GRIA4: variants seen among roughly 807,000 people sequenced by gnomAD.
GRIA4 encodes glutamate receptor 4.
In GRIA4, 34 loss-of-function variants were observed where a neutral mutation model predicts 104.0. That is an observed-to-expected ratio of 0.33 (90% CI 0.25 to 0.44). The LOEUF (loss-of-function observed/expected upper bound fraction) is 0.44. Among genes scored for constraint, GRIA4 ranks in the 20% least tolerant of loss-of-function variants. The pLI, the probability that GRIA4 is intolerant of heterozygous loss-of-function variation, is 1.00. For missense variants in GRIA4, 750 were observed against 1,096.5 expected, an observed-to-expected ratio of 0.68 and a Z score of 4.46; for synonymous variants, 386 against 381.9, an observed-to-expected ratio of 1.01 and a Z score of -0.13.
chr11:105,910,872 C>A (rs978104786), intron 10 of GRIA4, among the ~76,000 whole-genome samples: 10 of 152,032 alleles, frequency 6.6e-5, no homozygotes, highest in African/African-American at 2.4e-4. Flanking sequence ...AGGTCAACCA[C>A]CAATCACATA....
intron 3 of GRIA4, among the ~76,000 whole-genome samples, chr11:105,702,523 G>C (rs1254375192): frequency 6.6e-6 from 1 of 151,608 alleles, no homozygotes; most frequent in Non-Finnish European, 1.5e-5. Context: ...AGATGGGAAA[G>C]GGCATGAAAA....
chr11:105,611,162 T>G lies in GRIA4; in HGVS notation c.88+77T>G, dbSNP rs1050514670. 4.0e-6 allele frequency: 4 copies of G among 1,012,304 alleles called. No individual in the cohort carries two copies. The East Asian group carries it at 7.2e-5, about 18-fold the overall frequency. The allele number at this position is 1,012,304 out of a possible 1,614,324, so 62.7% of individuals were successfully genotyped here. A position where few individuals can be genotyped will look rare whatever the true frequency, so the allele number is the denominator to read the frequency against. ...GAAAGTGAGTTAAATGAGTTGCTGA[T>G]AAGCAATTCAGGGAAACCTTCAGCA... On this transcript the variant is annotated intron_variant, in intron 2 of 16. Coordinates refer to ENST00000282499, the MANE Select transcript of GRIA4 (RefSeq NM_000829.4).
intron 3 of GRIA4, among the ~76,000 whole-genome samples, chr11:105,714,525 C>T (rs1954024982): frequency 6.6e-6 from 1 of 152,024 alleles, no homozygotes; most frequent in South Asian, 2.1e-4. Context: ...TAAATATTAT[C>T]ATGCTTAAGA....
chr11:105,846,959 C>A (rs1368530735), intron 4 of GRIA4, among the ~76,000 whole-genome samples: 1 of 152,196 alleles, frequency 6.6e-6, no homozygotes, highest in African/African-American at 2.4e-5. Context: ...ATCCAATAAC[C>A]CATTAGGGCA....
intron 11 of GRIA4, among the ~76,000 whole-genome samples, chr11:105,922,968 A>G (rs1005966265): frequency 1.3e-5 from 2 of 152,164 alleles, no homozygotes; most frequent in African/African-American, 4.8e-5. Context: ...ATGGGCTTTT[A>G]TGATTTGAAC....
chr11:105,932,689 A>G (rs534075716), intron 13 of GRIA4, among the ~76,000 whole-genome samples: 249 of 152,274 alleles, frequency 1.6e-3, no homozygotes, highest in Middle Eastern at 6.8e-3. Flanking sequence ...TCCCTAGAAC[A>G]CAAAATTGGA....
intron 14 of GRIA4, among the ~76,000 whole-genome samples, chr11:105,939,087 G>A (rs1948121662): frequency 6.6e-6 from 1 of 152,040 alleles, no homozygotes; most frequent in Non-Finnish European, 1.5e-5. Flanking sequence ...ATACATGTTT[G>A]TGATTCTTCC....
rs1859231931 is a variant in GRIA4 at position 105,981,037 on chromosome 11, C to A, written c.*1298C>A. On this transcript the variant is annotated 3_prime_UTR_variant, in exon 17 of 17. Transcript: ENST00000282499. ...CTTCTTCCCTTATTCCTATTGTTCC[C>A]TTTAAATCATATGAAGGCATTCATA... 1 of 152,528 alleles carries A rather than the reference C, an allele frequency of 6.6e-6. No individual in the cohort carries two copies. The highest frequency in any genetic ancestry group is 1.5e-5 in the Non-Finnish European group (1 of 68,008). 9.4% of individuals were successfully genotyped at this position (152,528 alleles called of 1,614,324 possible). A position where few individuals can be genotyped will look rare whatever the true frequency, so the allele number is the denominator to read the frequency against.
intron 5 of GRIA4, among the ~76,000 whole-genome samples, chr11:105,878,229 G>T (rs371786097): frequency 1.3e-5 from 2 of 152,176 alleles, no homozygotes; most frequent in African/African-American, 4.8e-5. Flanking sequence ...GTTTGCCTGG[G>T]TATCACCAGT....
chr11:105,910,484 C>T lies in GRIA4; in HGVS notation c.1208C>T (p.Pro403Leu). 1 of 1,601,828 alleles carries T rather than the reference C, an allele frequency of 6.2e-7. No individual in the cohort carries two copies. Among genetic ancestry groups the T allele is most frequent in the Non-Finnish European group, 8.6e-7 (1 of 1,169,084 alleles). The change falls in exon 10 of 17, where the codon CCA becomes CTA. Residue 403 changes from proline to leucine, a missense_variant. This residue lies in a region of GRIA4 where 410 missense variants were observed against 502.7 expected (regional missense o/e 0.82). Transcript: ENST00000282499. ...AAGTTAGTCTTGATTCAAGATGTAC[C>T]AACTCTTGGCAATGACACAGCTGCT... is the stretch of plus-strand genomic sequence containing the variant. Reference protein sequence around the residue: ...MDKLVLIQDVPTLGNDTAAIE... With the variant: ...MDKLVLIQDVLTLGNDTAAIE...
At chr11:105,872,254 A>G (rs1945644048) in intron 5 of GRIA4, among the ~76,000 whole-genome samples, 1 of 152,158 alleles carries the variant, frequency 6.6e-6, no homozygotes, top group African/African-American at 2.4e-5. Flanking sequence ...AGAAAATAAA[A>G]GAAAACTTGA....
At chr11:105,647,671 T>C (rs957815062) in intron 3 of GRIA4, among the ~76,000 whole-genome samples, 4 of 152,184 alleles carry the variant, frequency 2.6e-5, no homozygotes, top group African/African-American at 9.6e-5. Context: ...GAGGCCATTA[T>C]CTTCAGCAAA....
At chr11:105,977,483 T>A (rs1859044133) in intron 16 of GRIA4, among the ~76,000 whole-genome samples, 1 of 152,000 alleles carries the variant, frequency 6.6e-6, no homozygotes, top group Non-Finnish European at 1.5e-5. Flanking sequence ...CTAACTAATA[T>A]AAACTTCCTA....
At chr11:105,797,909 A>G (rs1942554191) in intron 4 of GRIA4, 1 of 417,538 alleles carries the variant, frequency 2.4e-6, no homozygotes, top group South Asian at 1.7e-5. Flanking sequence ...AATGGAAATT[A>G]CATACATTTT....
intron 4 of GRIA4, among the ~76,000 whole-genome samples, chr11:105,820,247 A>G (rs1014200716): frequency 2.0e-5 from 3 of 152,250 alleles, no homozygotes; most frequent in South Asian, 2.1e-4. Context: ...TTTCACAGAT[A>G]AGGAAACTCA....
intron 9 of GRIA4, among the ~76,000 whole-genome samples, chr11:105,909,441 T>C (rs1233613295): frequency 6.6e-6 from 1 of 152,162 alleles, no homozygotes; most frequent in African/African-American, 2.4e-5. Flanking sequence ...CATAGCATAA[T>C]AGCAAAGCAT....
intron 2 of GRIA4, among the ~76,000 whole-genome samples, chr11:105,611,696 C>G (rs1750899898): frequency 6.6e-6 from 1 of 152,082 alleles, no homozygotes; most frequent in South Asian, 2.1e-4. Flanking sequence ...ACCCTCCATC[C>G]TTGGCTTTTC....
intron 14 of GRIA4, among the ~76,000 whole-genome samples, chr11:105,941,477 C>T (rs1948178687): frequency 2.0e-5 from 3 of 152,204 alleles, no homozygotes; most frequent in South Asian, 4.1e-4. Context: ...TTAGAGAAAA[C>T]TATCATTTTA....
chr11:105,736,128 A>ATATATAAAGG (rs1444973779), intron 3 of GRIA4, among the ~76,000 whole-genome samples: 3 of 152,182 alleles, frequency 2.0e-5, no homozygotes, highest in South Asian at 2.1e-4. Flanking sequence ...AATTCAGAGT[A>ATATATAAAGG]CCCAGACACA....
Sources: gnomAD v4.1 joint callset for allele counts (sites outside exome capture counted in the v4.1 genomes callset) on GRCh38, gnomAD v4.1.1 for gene constraint, gnomAD v4.1.1 regional missense constraint, MANE v1.5 for transcripts, NCBI Gene and HGNC (gene_info 2026-07-23, HGNC 2026-07-21) for gene names.